SIGLEC8: variants seen among roughly 807,000 people sequenced by gnomAD.
The protein encoded by SIGLEC8 is sialic acid binding Ig like lectin 8.
Under a neutral mutation model 42.1 loss-of-function variants are expected in SIGLEC8, and 32 were observed. That is an observed-to-expected ratio of 0.76 (90% CI 0.57 to 1.02). The LOEUF (loss-of-function observed/expected upper bound fraction) is 1.02. Ranked by LOEUF, SIGLEC8 falls within the 50% of genes least tolerant of loss-of-function variation. The pLI, the probability that SIGLEC8 is intolerant of heterozygous loss-of-function variation, is 0.00. For synonymous variants in SIGLEC8, 262 were observed against 260.3 expected (o/e 1.01, Z -0.06); for missense variants, 611 against 610.2 (o/e 1.00, Z -0.01).
chr19:51,453,773 G>C, intron 6 of SIGLEC8: 2 of 984,902 alleles, frequency 2.0e-6, no homozygotes, highest in Non-Finnish European at 2.4e-6. Flanking sequence ...AAATGAGAGA[G>C]AATTACAGGG....
At chr19:51,457,081 G>A (rs532172831) in intron 3 of SIGLEC8, 103 bp downstream of exon 3, 6 of 1,061,420 alleles carry the variant, frequency 5.7e-6, no homozygotes, top group South Asian at 2.5e-5. Flanking sequence ...ACGCACAGTG[G>A]CAGCTCTGTT....
Position 51,457,645 on chromosome 19 carries a change from C to A in SIGLEC8, c.549G>T (p.Gln183His). 3 of 1,611,636 alleles carry A rather than the reference C, an allele frequency of 1.9e-6. No homozygotes were observed. Among genetic ancestry groups the A allele is most frequent in the Non-Finnish European group, 1.7e-6 (2 of 1,178,726 alleles). ...TCCAGGAGATCATGGGGGGTGTCCC[C>A]TGCTTACAGGCCCAGGGCACAGAGC... ...LTCSVPWACK[Q>H]GTPPMISWIG... Residue 183 changes from glutamine to histidine, a missense_variant, in exon 2 of 7, where the codon CAG becomes CAT. Gln to His is a conservative substitution (Grantham distance 24). Coordinates refer to ENST00000321424, the MANE Select transcript of SIGLEC8 (RefSeq NM_014442.3).
chr19:51,452,698 C>T lies in SIGLEC8; in HGVS notation c.1246-65G>A. 5.1e-6 allele frequency: 7 copies of T among 1,383,218 alleles called. No individual in the cohort carries two copies. The South Asian group carries it at 1.2e-4, about 24-fold the overall frequency. The allele number at this position is 1,383,218 out of a possible 1,614,324, so 85.7% of individuals were successfully genotyped here. On this transcript the variant is annotated intron_variant, in intron 6 of 6. Transcript: ENST00000321424. ...GGGCCAGGATGAGGCAGGGAGAGTC[C>T]AGGAAGGAGGCCCAGGAGGTCCGTC...
chr19:51,457,897 C>T, intron 1 of SIGLEC8, 37 bp downstream of exon 1: 1 of 1,603,118 alleles, frequency 6.2e-7, no homozygotes, highest in Non-Finnish European at 8.5e-7. Context: ...CCCCTCATGA[C>T]CTTCCCCTGT....
rs1989452755 is a variant in SIGLEC8 at position 51,454,860 on chromosome 19, C to G, written c.1052-80G>C. 2.0e-6 allele frequency: 2 copies of G among 983,404 alleles called. No individual in the cohort carries two copies. Among genetic ancestry groups the G allele is most frequent in the Non-Finnish European group, 3.2e-6 (2 of 618,516 alleles). 60.9% of individuals were successfully genotyped at this position (983,404 alleles called of 1,614,324 possible). A position where few individuals can be genotyped will look rare whatever the true frequency, so the allele number is the denominator to read the frequency against. ...TTCCCCTCCCACTGTCTGCAGGGCCCTAGACTTCCATTCCCCTCTTCTCCT... is the reference window on the plus strand; with the variant it reads ...TTCCCCTCCCACTGTCTGCAGGGCCGTAGACTTCCATTCCCCTCTTCTCCT... On this transcript the variant is annotated intron_variant, in intron 4 of 6. Transcript: ENST00000321424. This position sits in a 1 kb window ranked among gnomAD's most constrained non-coding sequence, Gnocchi z 4.7.
rs1201726090 is a variant in SIGLEC8 at position 51,451,413 on chromosome 19, C to T, written c.*966G>A. ...GGGCAGGGGGTCCCGGCCTTCATCT[C>T]CTCAGTGCACCTGTCTTGTTCCTGA... is the stretch of plus-strand genomic sequence containing the variant. On this transcript the variant is annotated 3_prime_UTR_variant, in exon 7 of 7. Coordinates refer to ENST00000321424, the MANE Select transcript of SIGLEC8 (RefSeq NM_014442.3). 1 of 152,220 alleles carries T rather than the reference C, an allele frequency of 6.6e-6. No homozygotes were observed. The highest frequency in any genetic ancestry group is 1.5e-5 in the Non-Finnish European group (1 of 68,042). 9.4% of individuals were successfully genotyped at this position (152,220 alleles called of 1,614,324 possible). A position where few individuals can be genotyped will look rare whatever the true frequency, so the allele number is the denominator to read the frequency against.
chr19:51,457,166 G>A lies in SIGLEC8; in HGVS notation c.781+18C>T. On this transcript the variant is annotated intron_variant, in intron 3 of 6. Transcript: ENST00000321424. Reference sequence around the variant, plus strand: ...AAGGCCCTGCTCCCCCAACCCCAGGGAGGGGGCTCTGTCCTACCTGTGGCA... The same window carrying A: ...AAGGCCCTGCTCCCCCAACCCCAGGAAGGGGGCTCTGTCCTACCTGTGGCA... The A allele has an allele frequency of 6.2e-7, 1 of 1,610,520 alleles. No homozygotes were observed. The highest frequency in any genetic ancestry group is 8.5e-7 in the Non-Finnish European group (1 of 1,176,974).
Position 51,452,309 on chromosome 19 carries a change from G to T in SIGLEC8, c.*70C>A. On this transcript the variant is annotated 3_prime_UTR_variant, in exon 7 of 7. Transcript: ENST00000321424. ...GAGACATTGGTCCAAGTTTTGGTTA[G>T]ACAGGAGGAGGGAGCCCTGGTGACC... 2.2e-6 allele frequency: 3 copies of T among 1,385,626 alleles called. No homozygotes were observed. Among genetic ancestry groups the T allele is most frequent in the South Asian group, 1.5e-5 (1 of 66,066 alleles). The allele number at this position is 1,385,626 out of a possible 1,614,324, so 85.8% of individuals were successfully genotyped here.
Position 51,454,497 on chromosome 19 carries a change from C to G in SIGLEC8, c.1149-182G>C, listed in dbSNP as rs73933398. Among the ~76,000 whole-genome samples, 3 of 152,128 alleles carry G rather than the reference C, an allele frequency of 2.0e-5. No homozygotes were observed. The highest frequency in any genetic ancestry group is 4.4e-5 in the Non-Finnish European group (3 of 68,014). On this transcript the variant is annotated intron_variant, in intron 5 of 6. Coordinates refer to ENST00000321424, the MANE Select transcript of SIGLEC8 (RefSeq NM_014442.3). The surrounding 1 kb of genome is among the most constrained non-coding windows in gnomAD (Gnocchi z 4.7). ...CTCCTGCCTCATGGATGGTGGGGCCCGAGGTTGCTACAGATGTGGAGCCCC... is the reference window on the plus strand; with the variant it reads ...CTCCTGCCTCATGGATGGTGGGGCCGGAGGTTGCTACAGATGTGGAGCCCC...
In SIGLEC8 at chr19:51,457,499, C is replaced by T; in HGVS notation, c.695G>A (p.Gly232Asp). Residue 232 changes from glycine (G) to aspartate (D), a missense_variant, in exon 2 of 7, where the codon GGT (glycine) becomes GAT (aspartate). Coordinates refer to ENST00000321424, the MANE Select transcript of SIGLEC8 (RefSeq NM_014442.3). ...GCGGACGGTACTGGTCGTGGTCACA[C>T]CTGTCCCAGGCAAGGTCACCTGACA... is the stretch of plus-strand genomic sequence containing the variant. ...LTCQVTLPGT[G>D]VTTTSTVRLD... 2.5e-6 allele frequency: 4 copies of T among 1,613,886 alleles called. No homozygotes were observed. Among genetic ancestry groups the T allele is most frequent in the South Asian group, 1.1e-5 (1 of 91,064 alleles).
chr19:51,455,340 C>G, intron 4 of SIGLEC8, 78 bp downstream of exon 4: 2 of 1,555,912 alleles, frequency 1.3e-6, no homozygotes, highest in Non-Finnish European at 1.7e-6. Flanking sequence ...TGAGCTCCCC[C>G]TTGAAGCTCA....
chr19:51,457,032 C>T, intron 3 of SIGLEC8, 152 bp downstream of exon 3: 1 of 735,384 alleles, frequency 1.4e-6, no homozygotes, highest in Non-Finnish European at 2.4e-6. Flanking sequence ...CTCAGATGGT[C>T]ACGCGGGCTG....
chr19:51,453,404 A>T (rs1989414869), intron 6 of SIGLEC8: 2 of 985,110 alleles, frequency 2.0e-6, no homozygotes, highest in African/African-American at 3.5e-5. Flanking sequence ...ACTGTTAAAG[A>T]AATGAATATC....
In SIGLEC8 at chr19:51,458,116, T is replaced by G. The variant is rs1989542558; in HGVS notation, c.272A>C (p.Glu91Ala). 6.2e-7 allele frequency: 1 copy of G among 1,614,172 alleles called. No individual in the cohort carries two copies. Among genetic ancestry groups the G allele is most frequent in the Non-Finnish European group, 8.5e-7 (1 of 1,180,022 alleles). ...TNNPDREVQA[E>A]TQGRFQLLGD... ...AAGGAGTTGGAATCGGCCCTGGGTC[T>G]CTGCCTGCACTTCTCTGTCTGGGTT... The change falls in exon 1 of 7, where the codon GAG becomes GCG. Residue 91 changes from glutamate to alanine, a missense_variant. Glu to Ala is a moderately radical substitution (Grantham distance 107). Transcript: ENST00000321424.
chr19:51,457,853 C>A, intron 1 of SIGLEC8, 81 bp downstream of exon 1: 5 of 1,555,342 alleles, frequency 3.2e-6, no homozygotes, highest in Non-Finnish European at 4.4e-6. Context: ...AATCCCAACC[C>A]CCTCCCAGGC....
Position 51,458,327 on chromosome 19 carries a change from T to C in SIGLEC8, c.61A>G (p.Arg21Gly). ...LWGTKGMEGDRQYGDGYLLQV... is the reference protein window; with the variant it reads ...LWGTKGMEGDGQYGDGYLLQV... ...AGCAAGTAACCATCCCCATATTGTC[T>C]GTCTCCCTCCATCCCCTTTGTCCCC... The change falls in exon 1 of 7, where the codon AGA (arginine) becomes GGA (glycine). Residue 21 changes from arginine (R) to glycine (G), a missense_variant. Physicochemically the swap from Arg to Gly is moderately radical, Grantham distance 125. Transcript: ENST00000321424. 6.2e-7 allele frequency: 1 copy of C among 1,614,090 alleles called. No homozygotes were observed. Among genetic ancestry groups the C allele is most frequent in the South Asian group, 1.1e-5 (1 of 91,082 alleles).
chr19:51,458,425 C>G lies in SIGLEC8; in HGVS notation c.-38G>C. On this transcript the variant is annotated 5_prime_UTR_variant, in exon 1 of 7. Transcript: ENST00000321424. ...AGGCGCCAGGGCCGCCAGGGAACGTCTGTTCCTCAGGGTTCTTCTCTCAGA... is the reference window on the plus strand; with the variant it reads ...AGGCGCCAGGGCCGCCAGGGAACGTGTGTTCCTCAGGGTTCTTCTCTCAGA... 51 of 1,590,464 alleles carry G rather than the reference C, an allele frequency of 3.2e-5. No individual in the cohort carries two copies. Among genetic ancestry groups the G allele is most frequent in the Non-Finnish European group, 4.4e-5 (51 of 1,167,392 alleles).
At chr19:51,452,670 G>A in intron 6 of SIGLEC8, 37 bp from the exon 7 acceptor site, 1 of 1,460,906 alleles carries the variant, frequency 6.8e-7, no homozygotes, top group East Asian at 2.3e-5. Flanking sequence ...GAACAGAGCA[G>A]TGGGGCCAGG....
At position 51,455,507 on chromosome 19, in the gene SIGLEC8, C is replaced by T. The variant is rs1362392737; in HGVS notation, c.962G>A (p.Arg321Lys). The change falls in exon 4 of 7, where the codon AGG (arginine) becomes AAG (lysine). Residue 321 changes from arginine to lysine, a missense_variant. Coordinates refer to ENST00000321424, the MANE Select transcript of SIGLEC8 (RefSeq NM_014442.3). ...GLLELPRVHV[R>K]DEGEFTCRAQ... ...TCGGCAGGTGAATTCCCCTTCATCC[C>T]TCACGTGCACTCGAGGCAGCTCCAG... The T allele has an allele frequency of 3.1e-6, 5 of 1,614,072 alleles. No homozygotes were observed. The highest frequency in any genetic ancestry group is 2.7e-5 in the African/African-American group (2 of 74,936).
Sources: gnomAD v4.1 joint callset for allele counts (sites outside exome capture counted in the v4.1 genomes callset) on GRCh38, gnomAD v4.1.1 for gene constraint, Gnocchi (gnomAD v3.1) non-coding constraint, MANE v1.5 for transcripts, NCBI Gene and HGNC (gene_info 2026-07-23, HGNC 2026-07-21) for gene names.